The following DYNC1I2 variants were observed in gnomAD, a reference collection of about 807,000 sequenced individuals.
The protein encoded by DYNC1I2 is cytoplasmic dynein 1 intermediate chain 2.
In DYNC1I2, 53 loss-of-function variants were observed where a neutral mutation model predicts 88.6. That is an observed-to-expected ratio of 0.60 (90% confidence interval 0.48 to 0.75). The LOEUF is 0.75. DYNC1I2 is among the 30% of genes least tolerant of loss of function. DYNC1I2 has a pLI of 0.00. For missense variants in DYNC1I2, 458 were observed against 766.6 expected (o/e 0.60, Z 4.75); for synonymous variants, 198 against 254.6 (o/e 0.78, Z 2.12).
At chr2:171,725,742 T>C (rs753697023) in intron 8 of DYNC1I2, 29 bp downstream of exon 8, 24 of 1,434,178 alleles carry the variant, frequency 1.7e-5, no homozygotes, top group Non-Finnish European at 2.3e-5. Context: ...CTTTAAAACA[T>C]TTTGTTGATT....
chr2:171,733,433 C>T (rs368252555), intron 15 of DYNC1I2, among the ~76,000 whole-genome samples: 2 of 115,158 alleles, frequency 1.7e-5, no homozygotes, highest in Non-Finnish European at 3.5e-5. Flanking sequence ...AAAAACGTTC[C>T]TTTTTCTCCA....
At chr2:171,736,644 G>A (rs909717083) in intron 15 of DYNC1I2, among the ~76,000 whole-genome samples, 2 of 152,178 alleles carry the variant, frequency 1.3e-5, no homozygotes, top group African/African-American at 4.8e-5. Flanking sequence ...CTTTCTCCTG[G>A]ACGATGCTTG....
chr2:171,702,962 C>T (rs549222188), intron 3 of DYNC1I2, among the ~76,000 whole-genome samples: 1 of 152,124 alleles, frequency 6.6e-6, no homozygotes, highest in Non-Finnish European at 1.5e-5. Flanking sequence ...TGGCTTTAAG[C>T]GATCCTCCTG....
intron 15 of DYNC1I2, among the ~76,000 whole-genome samples, chr2:171,734,450 G>GGC (rs1258753681): frequency 2.6e-5 from 4 of 152,022 alleles, no homozygotes. Flanking sequence ...ATGACAAGTG[G>GGC]GCATATCTCT....
rs769559107 is a variant in DYNC1I2 at position 171,712,824 on chromosome 2, G to T, written c.393G>T (p.Leu131Phe). 14 of 1,612,316 alleles carry T rather than the reference G, an allele frequency of 8.7e-6. No individual in the cohort carries two copies. Among genetic ancestry groups the T allele is most frequent in the Middle Eastern group, 1.6e-4 (1 of 6,078 alleles). ...TTCAGCTTCACTCAGATTCCGATTT[G>T]GGGTATTGAATAGATTTTTTACCTT... Reference protein sequence around the residue: ...SVLQLHSDSDLGRGPIKLGMA... With the variant: ...SVLQLHSDSDFGRGPIKLGMA... Residue 131 changes from leucine to phenylalanine, a missense_variant and splice_region_variant, in exon 6 of 18, where the codon TTG becomes TTT. This residue lies in a region of DYNC1I2 where 203 missense variants were observed against 354.2 expected (regional missense o/e 0.57). Transcript: ENST00000397119.
At chr2:171,713,221 A>T (rs559217920) in intron 6 of DYNC1I2, among the ~76,000 whole-genome samples, 3 of 152,228 alleles carry the variant, frequency 2.0e-5, no homozygotes, top group Admixed American at 1.3e-4. Context: ...AATAATGGAG[A>T]TGCTGGTCCT....
chr2:171,714,255 A>G (rs1687328750), intron 6 of DYNC1I2, among the ~76,000 whole-genome samples: 1 of 146,236 alleles, frequency 6.8e-6, no homozygotes, highest in South Asian at 2.1e-4. Flanking sequence ...TATGGCCCAC[A>G]TTTTGGAACA....
At chr2:171,690,026 G>A (rs1348374999) in intron 1 of DYNC1I2, 121 bp from the exon 2 acceptor site, 2 of 507,476 alleles carry the variant, frequency 3.9e-6, no homozygotes, top group Non-Finnish European at 6.7e-6. Flanking sequence ...TAAAAGTAAG[G>A]TTTTTGTGCT....
At chr2:171,745,970 T>C (rs1377484623) in intron 17 of DYNC1I2, 43 bp downstream of exon 17, 2 of 1,609,740 alleles carry the variant, frequency 1.2e-6, no homozygotes, top group Admixed American at 1.7e-5. Context: ...TCGATTTAGT[T>C]GCATTGTAGT....
chr2:171,727,415 A>G (rs1688324807), intron 11 of DYNC1I2, among the ~76,000 whole-genome samples: 2 of 152,156 alleles, frequency 1.3e-5, no homozygotes, highest in African/African-American at 4.8e-5. Flanking sequence ...TTCTGATTGC[A>G]TAATTTAAAA....
intron 7 of DYNC1I2, among the ~76,000 whole-genome samples, chr2:171,722,441 A>G (rs538715137): frequency 9.2e-5 from 14 of 152,268 alleles, no homozygotes; most frequent in African/African-American, 3.1e-4. Context: ...CCACTTTAGC[A>G]TATTGTAATG....
Position 171,749,248 on chromosome 2 carries a change from C to T in DYNC1I2, c.*1359C>T, listed in dbSNP as rs570941261. The stretch of plus-strand genomic sequence containing the variant: ...TGTGATTTTAGCCAAGTCTGTGCCG[C>T]ATTCTTTATATGTAGGAATTAAGTT... On this transcript the variant is annotated 3_prime_UTR_variant, in exon 18 of 18. Coordinates refer to ENST00000397119, the MANE Select transcript of DYNC1I2 (RefSeq NM_001378.3). 6.6e-6 allele frequency among the ~76,000 whole-genome samples: 1 copy of T among 152,200 alleles called. No individual in the cohort carries two copies. Among genetic ancestry groups the T allele is most frequent in the Non-Finnish European group, 1.5e-5 (1 of 67,958 alleles).
At chr2:171,729,375 T>G (rs10207085) in intron 14 of DYNC1I2, among the ~76,000 whole-genome samples, 43,973 of 152,046 alleles carry the variant, frequency 0.29, 6,670 homozygotes, top group African/African-American at 0.38. Context: ...ATAGATCACC[T>G]TCACTTCAAA....
chr2:171,719,746 T>C (rs1687779896), intron 7 of DYNC1I2, among the ~76,000 whole-genome samples: 1 of 152,230 alleles, frequency 6.6e-6, no homozygotes. Context: ...TTTTTTCTTT[T>C]TCACTCTTCT....
chr2:171,709,718 T>A (rs1380528032), intron 5 of DYNC1I2, among the ~76,000 whole-genome samples: 1 of 152,132 alleles, frequency 6.6e-6, no homozygotes, highest in Non-Finnish European at 1.5e-5. Flanking sequence ...TGACCTTACA[T>A]CTTTCTTTTT....
chr2:171,693,034 CT>C (rs934800855), intron 3 of DYNC1I2, 140 bp downstream of exon 3: 13 of 705,218 alleles, frequency 1.8e-5, no homozygotes, highest in African/African-American at 1.6e-4. Context: ...TTGGAATTGT[CT>C]TTTTTTCAGA....
Position 171,749,409 on chromosome 2 carries a change from C to G in DYNC1I2, c.*1520C>G, listed in dbSNP as rs1227963794. 2.0e-5 allele frequency among the ~76,000 whole-genome samples: 3 copies of G among 152,034 alleles called. No homozygotes were observed. The highest frequency in any genetic ancestry group is 7.2e-5 in the African/African-American group (3 of 41,416). On this transcript the variant is annotated 3_prime_UTR_variant, in exon 18 of 18. Coordinates refer to ENST00000397119, the MANE Select transcript of DYNC1I2 (RefSeq NM_001378.3). ...TCATAAATTAATACCCCATAATTGC[C>G]CATTATATACCAAAGACAATATCTC... is the stretch of plus-strand genomic sequence containing the variant.
chr2:171,718,992 A>ACT (rs1687723363), intron 7 of DYNC1I2, among the ~76,000 whole-genome samples: 1 of 152,226 alleles, frequency 6.6e-6, no homozygotes, highest in East Asian at 1.9e-4. Context: ...CCACTGAAGT[A>ACT]GCAACTCATG....
At position 171,749,044 on chromosome 2, in the gene DYNC1I2, G is replaced by T. The variant is rs1689965051; in HGVS notation, c.*1155G>T. 6.6e-6 allele frequency among the ~76,000 whole-genome samples: 1 copy of T among 152,146 alleles called. No individual in the cohort carries two copies. The highest frequency in any genetic ancestry group is 2.4e-5 in the African/African-American group (1 of 41,440). ...AAGTGTAACTGTCTTTTATTCAACA[G>T]AACATGAACTAGGAAGAGAGATTAG... On this transcript the variant is annotated 3_prime_UTR_variant, in exon 18 of 18. Coordinates refer to ENST00000397119, the MANE Select transcript of DYNC1I2 (RefSeq NM_001378.3).
Sources: gnomAD v4.1 joint callset for allele counts (sites outside exome capture counted in the v4.1 genomes callset) on GRCh38, gnomAD v4.1.1 for gene constraint, gnomAD v4.1.1 regional missense constraint, MANE v1.5 for transcripts, NCBI Gene and HGNC (gene_info 2026-07-23, HGNC 2026-07-21) for gene names.